ABTB2: variants seen among roughly 807,000 people sequenced by gnomAD.
ABTB2 encodes ankyrin repeat and BTB domain containing 2.
Under a neutral mutation model 104.1 loss-of-function variants are expected in ABTB2, and 56 were observed. That is an observed-to-expected ratio of 0.54 (90% CI 0.43 to 0.67). The LOEUF is 0.67. ABTB2 is among the 30% of genes least tolerant of loss of function. The pLI, the probability that ABTB2 is intolerant of heterozygous loss-of-function variation, is 0.00. For synonymous variants in ABTB2, 606 were observed against 608.2 expected, an observed-to-expected ratio of 1.00 and a Z score of 0.05; for missense variants, 1,279 against 1,407.7, an observed-to-expected ratio of 0.91 and a Z score of 1.46.
At chr11:34,297,784 AT>A (rs1253517563) in intron 1 of ABTB2, among the ~76,000 whole-genome samples, 33,284 of 114,852 alleles carry the variant, frequency 0.29, 5,392 homozygotes, top group East Asian at 0.46. Flanking sequence ...AAAAAAAAAA[AT>A]AAAAATAAAG....
At chr11:34,352,411 A>C (rs955825253) in intron 1 of ABTB2, among the ~76,000 whole-genome samples, 1 of 152,186 alleles carries the variant, frequency 6.6e-6, no homozygotes, top group Non-Finnish European at 1.5e-5. Context: ...CTTTAAAAAA[A>C]ATATTTTAAA....
intron 1 of ABTB2, among the ~76,000 whole-genome samples, chr11:34,276,300 A>G (rs2133083925): frequency 6.6e-6 from 1 of 152,334 alleles, no homozygotes; most frequent in African/African-American, 2.4e-5. Context: ...CCAATTTAAA[A>G]GTTTTAAAAA....
intron 1 of ABTB2, among the ~76,000 whole-genome samples, chr11:34,354,472 A>G (rs1027010030): frequency 3.0e-5 from 2 of 66,496 alleles, no homozygotes; most frequent in African/African-American, 6.1e-5. Flanking sequence ...TAAAAAAACA[A>G]AAGGTGGTGG....
intron 1 of ABTB2, among the ~76,000 whole-genome samples, chr11:34,306,468 A>G (rs1348684312): frequency 6.6e-6 from 1 of 151,986 alleles, no homozygotes; most frequent in African/African-American, 2.4e-5. Context: ...GATGGTCTCG[A>G]ACTCCTGACC....
intron 1 of ABTB2, among the ~76,000 whole-genome samples, chr11:34,231,627 A>G (rs948509611): frequency 1.3e-5 from 2 of 152,088 alleles, no homozygotes; most frequent in Non-Finnish European, 2.9e-5. Context: ...CTGGAGTGCA[A>G]TGGCGCAATC....
chr11:34,273,611 G>A (rs879711167), intron 1 of ABTB2, among the ~76,000 whole-genome samples: 3 of 152,078 alleles, frequency 2.0e-5, no homozygotes, highest in Non-Finnish European at 4.4e-5. Context: ...GCAGACCTCC[G>A]AGGAGAGGGA....
At chr11:34,178,323 T>C (rs1852982143) in intron 3 of ABTB2, among the ~76,000 whole-genome samples, 1 of 152,200 alleles carries the variant, frequency 6.6e-6, no homozygotes, top group Non-Finnish European at 1.5e-5. Flanking sequence ...TCATGGACTT[T>C]CTCAGGAACA....
chr11:34,197,409 A>G lies in ABTB2; in HGVS notation c.1160T>C (p.Leu387Pro), dbSNP rs1298101442. The change falls in exon 3 of 17, where the codon CTC becomes CCC. Residue 387 changes from leucine to proline, a missense_variant. By Grantham distance (98) the Leu-to-Pro change is moderately conservative. Transcript: ENST00000435224. ...ITWSPDALHT[L>P]YYFLRCPQME... is the part of the protein sequence containing the mutation. ...CTGTGGACACCGCAGAAAGTAGTAG[A>G]GCGTGTGGAGGGCGTCGGGGGACCA... The G allele has an allele frequency of 6.2e-7, 1 of 1,611,302 alleles. No individual in the cohort carries two copies. Among genetic ancestry groups the G allele is most frequent in the Non-Finnish European group, 8.5e-7 (1 of 1,178,126 alleles).
chr11:34,350,422 T>C (rs1466406740), intron 1 of ABTB2, among the ~76,000 whole-genome samples: 9 of 152,236 alleles, frequency 5.9e-5, no homozygotes, highest in Non-Finnish European at 1.3e-4. Context: ...GGCTTCTCTA[T>C]TCAGCTGAGC....
chr11:34,238,760 T>C (rs1853876694), intron 1 of ABTB2, among the ~76,000 whole-genome samples: 1 of 152,196 alleles, frequency 6.6e-6, no homozygotes, highest in African/African-American at 2.4e-5. Flanking sequence ...CATCATTCTT[T>C]TTTTTTCTTT....
intron 1 of ABTB2, among the ~76,000 whole-genome samples, chr11:34,245,389 A>G (rs1590228507): frequency 6.6e-6 from 1 of 151,868 alleles, no homozygotes; most frequent in Non-Finnish European, 1.5e-5. Flanking sequence ...ACAGCAAACC[A>G]CCCAGGACCA....
chr11:34,276,098 A>G (rs974503117), intron 1 of ABTB2, among the ~76,000 whole-genome samples: 2 of 152,102 alleles, frequency 1.3e-5, no homozygotes, highest in African/African-American at 4.8e-5. Context: ...TGAATTGACA[A>G]CTCAGGGGTC....
intron 1 of ABTB2, among the ~76,000 whole-genome samples, chr11:34,310,791 C>T (rs547879721): frequency 8.5e-5 from 13 of 152,126 alleles, no homozygotes; most frequent in African/African-American, 2.4e-4. Flanking sequence ...CTTTAATGTG[C>T]GTCTCCTTCA....
chr11:34,161,931 C>G (rs1852726398), intron 10 of ABTB2, among the ~76,000 whole-genome samples: 1 of 152,134 alleles, frequency 6.6e-6, no homozygotes, highest in Non-Finnish European at 1.5e-5. Context: ...CTTGGCCCGG[C>G]CCTGGGGGTT....
intron 1 of ABTB2, among the ~76,000 whole-genome samples, chr11:34,328,438 C>T (rs1855094897): frequency 6.6e-6 from 1 of 152,142 alleles, no homozygotes. Flanking sequence ...CCTAACCTCC[C>T]CAAGCCTCTG....
intron 16 of ABTB2, 149 bp from the exon 17 acceptor site, chr11:34,152,733 C>T: frequency 1.4e-6 from 1 of 694,686 alleles, no homozygotes; most frequent in Non-Finnish European, 2.4e-6. Context: ...CATCCTGAGG[C>T]CACCTCTGCT....
intron 1 of ABTB2, among the ~76,000 whole-genome samples, chr11:34,299,454 G>A (rs1854671249): frequency 6.6e-6 from 1 of 152,172 alleles, no homozygotes; most frequent in Non-Finnish European, 1.5e-5. Flanking sequence ...CTGCGTGTTT[G>A]GAAAGCCACG....
At chr11:34,160,092 G>T in intron 12 of ABTB2, 84 bp from the exon 13 acceptor site, 2 of 1,310,678 alleles carry the variant, frequency 1.5e-6, no homozygotes, top group East Asian at 2.3e-5. Flanking sequence ...GTGCGTGTCT[G>T]GGGTTGGGGG....
At chr11:34,172,363 C>A (rs1238737896) in intron 4 of ABTB2, among the ~76,000 whole-genome samples, 1 of 100,222 alleles carries the variant, frequency 1.0e-5, no homozygotes, top group African/African-American at 4.2e-5. Flanking sequence ...CAGAGTGAAA[C>A]TCTGTCTCAA....
Sources: gnomAD v4.1 joint callset for allele counts (sites outside exome capture counted in the v4.1 genomes callset) on GRCh38, gnomAD v4.1.1 for gene constraint, MANE v1.5 for transcripts, NCBI Gene and HGNC (gene_info 2026-07-23, HGNC 2026-07-21) for gene names.